Variants in HTRA3 observed in about 807,000 individuals in gnomAD.
The protein encoded by HTRA3 is serine protease HTRA3.
HTRA3 carries 41 observed loss-of-function variants against 43.2 expected under a neutral mutation model. That is an observed-to-expected ratio of 0.95 (90% confidence interval 0.74 to 1.23). The LOEUF is 1.23. Among genes scored for constraint, HTRA3 ranks in the 50% most tolerant of loss-of-function variants. The probability of loss-of-function intolerance (pLI) is 0.00; values close to 1 mark genes in which losing one functional copy is unlikely to be tolerated. For missense variants in HTRA3, 628 were observed against 647.1 expected (o/e 0.97, Z 0.32); for synonymous variants, 295 against 287.9 (o/e 1.02, Z -0.25).
chr4:8,284,192 T>C (rs961804205), intron 2 of HTRA3, among the ~76,000 whole-genome samples: 16 of 152,126 alleles, frequency 1.1e-4, no homozygotes, highest in Non-Finnish European at 2.1e-4. Context: ...CTGATGGACC[T>C]CTCACTGCCC....
rs764675492 is a variant in HTRA3, at chr4:8,270,368, G to A, written c.385+15G>A. 2 of 1,389,106 alleles carry A rather than the reference G, an allele frequency of 1.4e-6. No homozygotes were observed. Among genetic ancestry groups the A allele is most frequent in the South Asian group, 1.5e-5 (1 of 64,704 alleles). 86.0% of individuals were successfully genotyped at this position (1,389,106 alleles called of 1,614,324 possible). A position where few individuals can be genotyped will look rare whatever the true frequency, so the allele number is the denominator to read the frequency against. ...CTGCCCGTTGGGTAAGCGCTCGGGG[G>A]CCAGGGAGGAAGTGAAGCTTCTTTC... is the stretch of plus-strand genomic sequence containing the variant. On this transcript the variant is annotated intron_variant, in intron 1 of 8. Transcript: ENST00000307358.
At chr4:8,292,417 A>T (rs1251407911) in intron 5 of HTRA3, 64 bp downstream of exon 5, 23 of 1,381,164 alleles carry the variant, frequency 1.7e-5, no homozygotes, top group African/African-American at 2.9e-5. Flanking sequence ...GGGGGTGCTC[A>T]GCCTTGAGGT....
At chr4:8,273,593 C>G (rs1305794339) in intron 1 of HTRA3, among the ~76,000 whole-genome samples, 1 of 151,756 alleles carries the variant, frequency 6.6e-6, no homozygotes, top group Admixed American at 6.6e-5. Context: ...ACTTCGGGCC[C>G]TATCTCCAGC....
chr4:8,300,180 A>G (rs1387615764), intron 6 of HTRA3, among the ~76,000 whole-genome samples: 1 of 152,180 alleles, frequency 6.6e-6, no homozygotes, highest in Non-Finnish European at 1.5e-5. Flanking sequence ...TGATTTGTTT[A>G]AAGAATTTTT....
intron 6 of HTRA3, among the ~76,000 whole-genome samples, chr4:8,298,107 T>C (rs1475135144): frequency 1.3e-5 from 2 of 152,116 alleles, no homozygotes; most frequent in African/African-American, 4.8e-5. Context: ...GACCGTTACC[T>C]CTCTGGGCTC....
chr4:8,270,412 C>T lies in HTRA3; in HGVS notation c.385+59C>T, dbSNP rs920412003. 15 of 1,359,232 alleles carry T rather than the reference C, an allele frequency of 1.1e-5. No homozygotes were observed. The East Asian group carries it at 3.1e-4, about 28-fold the overall frequency. 84.2% of individuals were successfully genotyped at this position (1,359,232 alleles called of 1,614,324 possible). On this transcript the variant is annotated intron_variant, in intron 1 of 8. Coordinates refer to ENST00000307358, the MANE Select transcript of HTRA3 (RefSeq NM_053044.5). The stretch of plus-strand genomic sequence containing the variant: ...TTCTTTCTCTTGGGGAAACTAAGGC[C>T]GGGAGTTAGGGCCGAGCTCGAGGTC...
rs1200973561 is a variant in HTRA3, at chr4:8,270,329, C to A, written c.361C>A (p.Leu121Met). The change falls in exon 1 of 9, where the codon CTG becomes ATG. Residue 121 changes from leucine (L) to methionine (M), a missense_variant. Coordinates refer to ENST00000307358, the MANE Select transcript of HTRA3 (RefSeq NM_053044.5). ...LQLSGTPVRQ[L>M]QKGACPLGLH... ...GCTCTCCGGGACGCCCGTGCGCCAG[C>A]TGCAGAAGGGCGCCTGCCCGTTGGG... The A allele has an allele frequency of 4.2e-6, 6 of 1,439,306 alleles. No individual in the cohort carries two copies. The African/African-American group carries it at 7.5e-5, about 18-fold the overall frequency. The allele number at this position is 1,439,306 out of a possible 1,614,324, so 89.2% of individuals were successfully genotyped here. A position where few individuals can be genotyped will look rare whatever the true frequency, so the allele number is the denominator to read the frequency against.
intron 6 of HTRA3, among the ~76,000 whole-genome samples, chr4:8,302,105 T>A (rs1713675878): frequency 6.6e-6 from 1 of 152,020 alleles, no homozygotes; most frequent in Admixed American, 6.6e-5. Flanking sequence ...GCAGGGAACA[T>A]TTGGGGAAGC....
At chr4:8,303,962 T>A (rs1713748939) in intron 7 of HTRA3, among the ~76,000 whole-genome samples, 1 of 152,094 alleles carries the variant, frequency 6.6e-6, no homozygotes, top group Non-Finnish European at 1.5e-5. Context: ...CTACCCACTC[T>A]CTCTCCTCTC....
rs1712642318 is a variant in HTRA3, at chr4:8,279,103, C to T, written c.386-3334C>T. Among the ~76,000 whole-genome samples the T allele has an allele frequency of 6.6e-6, 1 of 152,076 alleles. No homozygotes were observed. On this transcript the variant is annotated intron_variant, in intron 1 of 8. Coordinates refer to ENST00000307358, the MANE Select transcript of HTRA3 (RefSeq NM_053044.5). The surrounding 1 kb of genome is among the most constrained non-coding windows in gnomAD (Gnocchi z 7.4). ...GAAGCGAACCAGATGGTCTCTGTCC[C>T]AAAGGAGCCTGGGGTGTGGGGTGGG...
intron 1 of HTRA3, among the ~76,000 whole-genome samples, chr4:8,273,249 C>T (rs924100975): frequency 1.3e-5 from 2 of 152,204 alleles, no homozygotes; most frequent in South Asian, 2.1e-4. Flanking sequence ...GGCCTGGGCC[C>T]CCGGCTCCAT....
rs775031879 is a variant in HTRA3, at chr4:8,286,592, T to C, written c.517T>C (p.Ser173Pro). The change falls in exon 3 of 9, where the codon TCC (serine) becomes CCC (proline). Residue 173 changes from serine (S) to proline (P), a missense_variant. Physicochemically the swap from Ser to Pro is moderately conservative, Grantham distance 74 (BLOSUM62 -1). Coordinates refer to ENST00000307358, the MANE Select transcript of HTRA3 (RefSeq NM_053044.5). This position sits in a 1 kb window ranked among gnomAD's most constrained non-coding sequence, Gnocchi z 4.9. ...GCTGTTTGGCCGCAACGTGCCCCTG[T>C]CCAGCGGTTCTGGCTTCATCATGTC... ...HPLFGRNVPLSSGSGFIMSEA... is the reference protein window; with the variant it reads ...HPLFGRNVPLPSGSGFIMSEA... 1.2e-6 allele frequency: 2 copies of C among 1,613,922 alleles called. No homozygotes were observed. The highest frequency in any genetic ancestry group is 1.3e-5 in the African/African-American group (1 of 74,892).
intron 1 of HTRA3, among the ~76,000 whole-genome samples, chr4:8,278,667 C>T (rs183919371): frequency 6.6e-6 from 1 of 152,134 alleles, no homozygotes; most frequent in Non-Finnish European, 1.5e-5. Flanking sequence ...CACCGAGGTC[C>T]GCTTAAAGGG....
rs1712665741 is a variant in HTRA3, at chr4:8,279,658, G to A, written c.386-2779G>A. ...TTTTCTAATCACCTGTGGGAGGAGA[G>A]GTGCTGCCATTCCTCCTTCTGCTGT... On this transcript the variant is annotated intron_variant, in intron 1 of 8. Transcript: ENST00000307358. This position sits in a 1 kb window ranked among gnomAD's most constrained non-coding sequence, Gnocchi z 7.4. 6.6e-6 allele frequency among the ~76,000 whole-genome samples: 1 copy of A among 152,184 alleles called. No homozygotes were observed. Among genetic ancestry groups the A allele is most frequent in the Admixed American group, 6.5e-5 (1 of 15,274 alleles).
intron 4 of HTRA3, among the ~76,000 whole-genome samples, chr4:8,292,060 G>A (rs1713267208): frequency 6.6e-6 from 1 of 152,154 alleles, no homozygotes; most frequent in Non-Finnish European, 1.5e-5. Flanking sequence ...GCACCAGGCG[G>A]TGCTGCCTGG....
chr4:8,290,805 G>C (rs2153005913), intron 3 of HTRA3, among the ~76,000 whole-genome samples: 1 of 152,338 alleles, frequency 6.6e-6, no homozygotes, highest in Middle Eastern at 3.4e-3. Context: ...GGGTGTGCAG[G>C]TGTCTCAGTG....
At chr4:8,288,335 G>A (rs1479297855) in intron 3 of HTRA3, among the ~76,000 whole-genome samples, 6 of 150,846 alleles carry the variant, frequency 4.0e-5, no homozygotes, top group East Asian at 4.0e-4. Context: ...GTGCAATGGC[G>A]TCATCTCGGC....
chr4:8,290,997 G>A (rs1028559527), intron 3 of HTRA3, among the ~76,000 whole-genome samples: 1 of 152,216 alleles, frequency 6.6e-6, no homozygotes, highest in Non-Finnish European at 1.5e-5. Flanking sequence ...TGCATATGGT[G>A]TAGTAGTTTT....
At chr4:8,289,854 C>T (rs1713159536) in intron 3 of HTRA3, among the ~76,000 whole-genome samples, 1 of 149,628 alleles carries the variant, frequency 6.7e-6, no homozygotes, top group African/African-American at 2.5e-5. Context: ...CACCTGTGCG[C>T]CCTCCTTGGG....
Sources: allele counts gnomAD v4.1 joint callset (sites outside exome capture counted in the v4.1 genomes callset), GRCh38; gene constraint gnomAD v4.1.1; non-coding constraint Gnocchi (gnomAD v3.1); transcripts MANE v1.5; gene names NCBI Gene and HGNC (gene_info 2026-07-23, HGNC 2026-07-21).